ADGRL4: variants seen among roughly 807,000 people sequenced by gnomAD.
ADGRL4 encodes adhesion G protein-coupled receptor L4, also known as EGF, latrophilin and seven transmembrane domain containing 1.
Under a neutral mutation model 74.8 loss-of-function variants are expected in ADGRL4, and 90 were observed. The observed-to-expected ratio is 1.20, with a 90% CI of 1.02 to 1.43. The LOEUF is 1.43. ADGRL4 is among the 40% of genes most tolerant of loss of function. The probability of loss-of-function intolerance (pLI) is 0.00; values close to 1 mark genes in which losing one functional copy is unlikely to be tolerated. For synonymous variants in ADGRL4, 311 were observed against 279.2 expected, an observed-to-expected ratio of 1.11 and a Z score of -1.14; for missense variants, 881 against 814.3, an observed-to-expected ratio of 1.08 and a Z score of -1.00.
At chr1:78,939,408 C>T in intron 3 of ADGRL4, 150 bp from the exon 4 acceptor site, 1 of 887,776 alleles carries the variant, frequency 1.1e-6, no homozygotes. Flanking sequence ...TTAGAATGTG[C>T]AATATTTTAC....
intron 2 of ADGRL4, among the ~76,000 whole-genome samples, chr1:78,977,765 G>A (rs902849143): frequency 1.3e-5 from 2 of 151,584 alleles, no homozygotes; most frequent in African/African-American, 4.8e-5. Context: ...ACCAGAACCT[G>A]GCTATAAACT....
At position 78,890,861 on chromosome 1, in the gene ADGRL4, T is replaced by A; in HGVS notation, c.*293A>T. 1 of 336,240 alleles carries A rather than the reference T, an allele frequency of 3.0e-6. No homozygotes were observed. Among genetic ancestry groups the A allele is most frequent in the South Asian group, 3.9e-5 (1 of 25,532 alleles). 20.8% of individuals were successfully genotyped at this position (336,240 alleles called of 1,614,324 possible). A position where few individuals can be genotyped will look rare whatever the true frequency, so the allele number is the denominator to read the frequency against. ...TATACTTCTCGTGTTAGAAAGAAAA[T>A]CTTTCCTTGGGTGCAGTGATATCAC... On this transcript the variant is annotated 3_prime_UTR_variant, in exon 15 of 15. Coordinates refer to ENST00000370742, the MANE Select transcript of ADGRL4 (RefSeq NM_022159.4).
At chr1:78,925,414 T>C (rs1006050463) in intron 8 of ADGRL4, among the ~76,000 whole-genome samples, 3 of 152,080 alleles carry the variant, frequency 2.0e-5, no homozygotes, top group Non-Finnish European at 4.4e-5. Context: ...TAATTATTGA[T>C]TGCTATGAGA....
chr1:78,949,283 T>C (rs1314260746), intron 2 of ADGRL4, among the ~76,000 whole-genome samples: 1 of 152,136 alleles, frequency 6.6e-6, no homozygotes, highest in Non-Finnish European at 1.5e-5. Context: ...TGAAATATTG[T>C]TACTAGTCTT....
At chr1:78,893,479 A>G (rs1381341659) in intron 12 of ADGRL4, among the ~76,000 whole-genome samples, 2 of 151,930 alleles carry the variant, frequency 1.3e-5, no homozygotes, top group African/African-American at 4.8e-5. Context: ...AAAGCTTTAT[A>G]AACACTAAAG....
At chr1:79,002,407 T>G (rs1650862097) in intron 2 of ADGRL4, among the ~76,000 whole-genome samples, 1 of 152,080 alleles carries the variant, frequency 6.6e-6, no homozygotes, top group South Asian at 2.1e-4. Flanking sequence ...AAGTTGAACA[T>G]GTATGATATT....
chr1:79,006,611 A>T (rs377713735), intron 1 of ADGRL4, 22 bp downstream of exon 1: 1 of 1,536,844 alleles, frequency 6.5e-7, no homozygotes, highest in Non-Finnish European at 8.8e-7. Context: ...GACCTCGGCG[A>T]CCAGGGGCGC....
chr1:78,938,573 G>T (rs1256799495), intron 4 of ADGRL4, among the ~76,000 whole-genome samples: 1 of 151,880 alleles, frequency 6.6e-6, no homozygotes, highest in African/African-American at 2.4e-5. Context: ...CTTCAGTATA[G>T]AATTATATCC....
intron 3 of ADGRL4, among the ~76,000 whole-genome samples, chr1:78,940,564 T>C (rs1343693465): frequency 2.0e-5 from 3 of 152,154 alleles, no homozygotes; most frequent in East Asian, 3.8e-4. Context: ...GAAAAGATTC[T>C]AAGGAACTGA....
intron 2 of ADGRL4, among the ~76,000 whole-genome samples, chr1:78,974,260 T>C (rs1650235054): frequency 6.6e-6 from 1 of 152,206 alleles, no homozygotes; most frequent in African/African-American, 2.4e-5. Flanking sequence ...TAACCTTCTA[T>C]GTATATCAGC....
At chr1:78,928,621 C>T (rs1021458548) in intron 7 of ADGRL4, among the ~76,000 whole-genome samples, 15 of 151,322 alleles carry the variant, frequency 9.9e-5, no homozygotes, top group Non-Finnish European at 2.2e-4. Flanking sequence ...TGCCAGGAAC[C>T]AGAGATAGCC....
intron 2 of ADGRL4, among the ~76,000 whole-genome samples, chr1:78,995,074 T>C (rs1650686765): frequency 6.6e-6 from 1 of 152,204 alleles, no homozygotes; most frequent in African/African-American, 2.4e-5. Context: ...GTCCCTTAAA[T>C]GGATTTGTGC....
chr1:78,929,516 A>T (rs1348517651), intron 7 of ADGRL4, among the ~76,000 whole-genome samples: 1 of 151,418 alleles, frequency 6.6e-6, no homozygotes, highest in East Asian at 1.9e-4. Flanking sequence ...GCCTTGTCTC[A>T]AAAAAGAAAA....
chr1:78,971,710 T>G (rs137972105), intron 2 of ADGRL4, among the ~76,000 whole-genome samples: 145 of 152,336 alleles, frequency 9.5e-4, no homozygotes, highest in African/African-American at 3.3e-3. Context: ...AGATTTAGTT[T>G]CCTCATTTTC....
chr1:78,965,216 A>G (rs1436629008), intron 2 of ADGRL4, among the ~76,000 whole-genome samples: 1 of 152,186 alleles, frequency 6.6e-6, no homozygotes, highest in East Asian at 1.9e-4. Flanking sequence ...AAATCTTGAA[A>G]GCAATCATAT....
At chr1:78,992,868 A>C (rs1650635999) in intron 2 of ADGRL4, among the ~76,000 whole-genome samples, 1 of 152,134 alleles carries the variant, frequency 6.6e-6, no homozygotes, top group Non-Finnish European at 1.5e-5. Flanking sequence ...ATACAAATCT[A>C]TGTAACTTCA....
intron 8 of ADGRL4, among the ~76,000 whole-genome samples, chr1:78,924,203 A>G (rs937728115): frequency 6.6e-6 from 1 of 152,024 alleles, no homozygotes; most frequent in African/African-American, 2.4e-5. Context: ...AAGATCTGAG[A>G]AAAAAATATA....
intron 2 of ADGRL4, among the ~76,000 whole-genome samples, chr1:78,970,265 C>G (rs550493006): frequency 2.2e-4 from 33 of 152,212 alleles, no homozygotes; most frequent in African/African-American, 7.9e-4. Context: ...TCTAAAGGAT[C>G]CAGATGAAGA....
intron 1 of ADGRL4, among the ~76,000 whole-genome samples, chr1:79,006,394 G>GGGAT (rs1363953026): frequency 6.6e-6 from 1 of 152,156 alleles, no homozygotes; most frequent in Non-Finnish European, 1.5e-5. Flanking sequence ...AAGGTGAAAG[G>GGGAT]GGATGCTGGA....
Sources: gnomAD v4.1 joint callset for allele counts (sites outside exome capture counted in the v4.1 genomes callset) on GRCh38, gnomAD v4.1.1 for gene constraint, MANE v1.5 for transcripts, NCBI Gene and HGNC (gene_info 2026-07-23, HGNC 2026-07-21) for gene names.